SLC35H1: variants seen among roughly 807,000 people sequenced by gnomAD.
The protein encoded by SLC35H1 is ovarian cancer-overexpressed gene 1 protein.
the SLC35H1 span, chr20:46,357,797 C>T: frequency 1.2e-6 from 2 of 1,613,088 alleles, no homozygotes; most frequent in Non-Finnish European, 1.7e-6. Flanking sequence ...AAAGCAGACA[C>T]CCCGGCTTGG....
At chr20:46,358,251 G>A in the SLC35H1 span, 2 of 839,004 alleles carry the variant, frequency 2.4e-6, no homozygotes, top group Non-Finnish European at 3.9e-6. Flanking sequence ...GGAGGGCCCT[G>A]TTCCAGCCCA....
At chr20:46,355,276 G>A in the SLC35H1 span, 2 of 1,577,484 alleles carry the variant, frequency 1.3e-6, no homozygotes, top group Non-Finnish European at 1.7e-6. The surrounding 1 kb of genome is among the most constrained non-coding windows in gnomAD (Gnocchi z 4.8). Flanking sequence ...GCTAACTCGG[G>A]GGTCTTGAGG....
the SLC35H1 span, chr20:46,358,981 T>C: frequency 3.5e-6 from 2 of 564,886 alleles, no homozygotes; most frequent in South Asian, 2.0e-5. Context: ...AAACTGATCA[T>C]GTCAGGCCAC....
At chr20:46,357,869 T>A in the SLC35H1 span, 3 of 1,390,874 alleles carry the variant, frequency 2.2e-6, no homozygotes, top group Non-Finnish European at 3.0e-6. Context: ...GGAGTGGGGC[T>A]CATTCGGTGG....
the SLC35H1 span, chr20:46,351,995 A>G: frequency 1.3e-6 from 2 of 1,573,434 alleles, no homozygotes; most frequent in Non-Finnish European, 1.7e-6. Context: ...TGCTGGTGAG[A>G]AACCCCTGGG....
At chr20:46,360,169 C>T in the SLC35H1 span, among the ~76,000 whole-genome samples, 1 of 152,180 alleles carries the variant, frequency 6.6e-6, no homozygotes, top group Admixed American at 6.5e-5. Flanking sequence ...TAGAATGTAA[C>T]TCTGTTTACA....
At chr20:46,352,273 C>A in the SLC35H1 span, 1 of 1,572,550 alleles carries the variant, frequency 6.4e-7, no homozygotes, top group South Asian at 1.1e-5. Context: ...CCTGGGCTGC[C>A]TTGGCCAGCC....
chr20:46,357,386 C>G, the SLC35H1 span, among the ~76,000 whole-genome samples: 2 of 152,180 alleles, frequency 1.3e-5, no homozygotes, highest in African/African-American at 2.4e-5. Flanking sequence ...GAGGGAGCTG[C>G]GGGGCCGCAG....
the SLC35H1 span, chr20:46,355,128 G>C: frequency 1.9e-6 from 3 of 1,614,040 alleles, no homozygotes; most frequent in Admixed American, 5.0e-5. This position sits in a 1 kb window ranked among gnomAD's most constrained non-coding sequence, Gnocchi z 4.8. Flanking sequence ...TGCCACCGAT[G>C]AACGAGGCCC....
At chr20:46,356,892 G>A in the SLC35H1 span, among the ~76,000 whole-genome samples, 4 of 152,212 alleles carry the variant, frequency 2.6e-5, no homozygotes, top group South Asian at 2.1e-4. Context: ...ACACTCCGGC[G>A]AGCCCCCTGA....
chr20:46,348,529 G>A, the SLC35H1 span: 5 of 152,224 alleles, frequency 3.3e-5, no homozygotes, highest in South Asian at 2.1e-4. Context: ...CTGAGCTTGC[G>A]GAATCCAAGG....
At chr20:46,354,133 C>T in the SLC35H1 span, among the ~76,000 whole-genome samples, 10 of 152,138 alleles carry the variant, frequency 6.6e-5, no homozygotes, top group East Asian at 3.9e-4. Context: ...CCCTGGAGGA[C>T]GACAGTGGAG....
chr20:46,354,166 G>A, the SLC35H1 span, among the ~76,000 whole-genome samples: 2 of 152,128 alleles, frequency 1.3e-5, no homozygotes, highest in African/African-American at 4.8e-5. Context: ...ATGTCCCCAG[G>A]CTCCTGTGTG....
At chr20:46,359,947 A>T in the SLC35H1 span, among the ~76,000 whole-genome samples, 1 of 152,118 alleles carries the variant, frequency 6.6e-6, no homozygotes, top group Non-Finnish European at 1.5e-5. Context: ...CCCGGGGCAA[A>T]CAGGGAGCTG....
the SLC35H1 span, chr20:46,355,304 T>G: frequency 1.2e-5 from 18 of 1,527,536 alleles, no homozygotes; most frequent in Admixed American, 3.7e-4. The surrounding 1 kb of genome is among the most constrained non-coding windows in gnomAD (Gnocchi z 4.8). Context: ...GTTCATCACA[T>G]TTGGAGCCTG....
At chr20:46,351,090 C>T in the SLC35H1 span, among the ~76,000 whole-genome samples, 1 of 152,216 alleles carries the variant, frequency 6.6e-6, no homozygotes, top group African/African-American at 2.4e-5. Context: ...TTGTGAGATG[C>T]AACAAAGGAG....
At chr20:46,350,386 C>T in the SLC35H1 span, 29 of 1,602,112 alleles carry the variant, frequency 1.8e-5, no homozygotes, top group Admixed American at 4.3e-4. Context: ...GCCATTTGCC[C>T]TGGCTGGTCA....
chr20:46,349,670 CAGCTAGTGA>C, the SLC35H1 span: 1 of 152,546 alleles, frequency 6.6e-6, no homozygotes, highest in Non-Finnish European at 1.5e-5. Context: ...TAGGGTCACA[CAGCTAGTGA>C]CAAAGCCAGT....
chr20:46,346,999 G>A, the SLC35H1 span: 1 of 152,300 alleles, frequency 6.6e-6, no homozygotes, highest in East Asian at 1.9e-4. Context: ...CCTCTCATCT[G>A]GGCGAGTTAT....
Sources: gnomAD v4.1 joint callset for allele counts (sites outside exome capture counted in the v4.1 genomes callset) on GRCh38, gnomAD v4.1.1 for gene constraint, Gnocchi (gnomAD v3.1) non-coding constraint, MANE v1.5 for transcripts, NCBI Gene and HGNC (gene_info 2026-07-23, HGNC 2026-07-21) for gene names.